The following ADCY2 variants were observed in gnomAD, a reference collection of about 807,000 sequenced individuals.
The protein encoded by ADCY2 is adenylate cyclase 2.
Under a neutral mutation model 125.2 loss-of-function variants are expected in ADCY2, and 31 were observed. That is an observed-to-expected ratio of 0.25 (90% CI 0.19 to 0.33). The LOEUF (loss-of-function observed/expected upper bound fraction) is 0.33. ADCY2 is among the 10% of genes least tolerant of loss of function. The pLI is 1.00. For missense variants in ADCY2, 904 were observed against 1,418.2 expected (o/e 0.64, Z 5.82); for synonymous variants, 512 against 548.4 (o/e 0.93, Z 0.93).
intron 4 of ADCY2, among the ~76,000 whole-genome samples, chr5:7,636,324 G>A (rs921899240): frequency 6.6e-6 from 1 of 152,184 alleles, no homozygotes; most frequent in Middle Eastern, 3.2e-3. Context: ...GCCTTCGCTG[G>A]GGTTCAGGAC....
At chr5:7,574,817 T>G (rs1040310009) in intron 3 of ADCY2, among the ~76,000 whole-genome samples, 9 of 152,122 alleles carry the variant, frequency 5.9e-5, no homozygotes, top group Non-Finnish European at 1.3e-4. Context: ...ATGCAAAAAT[T>G]TAGTTTCTAA....
At chr5:7,724,405 C>T (rs904250133) in intron 12 of ADCY2, 140 bp from the exon 13 acceptor site, 32 of 645,724 alleles carry the variant, frequency 5.0e-5, no homozygotes, top group Non-Finnish European at 7.4e-5. Context: ...GTTGGCATCA[C>T]GTGTTTTTTT....
At chr5:7,789,169 A>C (rs748100666) in intron 19 of ADCY2, among the ~76,000 whole-genome samples, 1 of 152,250 alleles carries the variant, frequency 6.6e-6, no homozygotes, top group East Asian at 1.9e-4. Context: ...CAATGATTAC[A>C]TAATTATACA....
intron 4 of ADCY2, among the ~76,000 whole-genome samples, chr5:7,671,130 C>A (rs1470785957): frequency 6.6e-6 from 1 of 152,194 alleles, no homozygotes; most frequent in Non-Finnish European, 1.5e-5. Context: ...CTATGAACAG[C>A]ATGCCTATGT....
At chr5:7,580,583 A>G (rs1010595539) in intron 3 of ADCY2, among the ~76,000 whole-genome samples, 2 of 152,232 alleles carry the variant, frequency 1.3e-5, no homozygotes, top group African/African-American at 4.8e-5. Flanking sequence ...GCAAAGGCTC[A>G]GTAATCTATA....
chr5:7,489,604 C>G (rs1182529550), intron 2 of ADCY2, among the ~76,000 whole-genome samples: 2 of 152,208 alleles, frequency 1.3e-5, no homozygotes, highest in African/African-American at 2.4e-5. Context: ...TTTGCTCTAC[C>G]TTCATCTTCC....
intron 3 of ADCY2, among the ~76,000 whole-genome samples, chr5:7,525,655 A>ATGTGTG (rs34875401): frequency 6.6e-6 from 1 of 150,602 alleles, no homozygotes; most frequent in African/African-American, 2.4e-5. Flanking sequence ...TACATTATAG[A>ATGTGTG]TGTGTGTGTG....
chr5:7,591,079 T>G (rs553645963), intron 3 of ADCY2, among the ~76,000 whole-genome samples: 54 of 152,366 alleles, frequency 3.5e-4, no homozygotes, highest in African/African-American at 1.2e-3. Flanking sequence ...TTGAAATTGC[T>G]CACGTGATTA....
At chr5:7,587,325 C>T (rs190395828) in intron 3 of ADCY2, among the ~76,000 whole-genome samples, 1 of 152,336 alleles carries the variant, frequency 6.6e-6, no homozygotes, top group East Asian at 1.9e-4. Flanking sequence ...TCCAGTGGCA[C>T]TAAGCAGTGT....
At chr5:7,626,112 GTATTC>G in intron 3 of ADCY2, 50 bp from the exon 4 acceptor site, 1 of 1,559,226 alleles carries the variant, frequency 6.4e-7, no homozygotes, top group Non-Finnish European at 8.7e-7. Flanking sequence ...TGTTTTGATT[GTATTC>G]ACAAGTGAGA....
chr5:7,735,443 A>G (rs964354096), intron 14 of ADCY2, among the ~76,000 whole-genome samples: 1 of 152,226 alleles, frequency 6.6e-6, no homozygotes, highest in Non-Finnish European at 1.5e-5. Flanking sequence ...ACCATTAAGT[A>G]TGATGTTAGC....
chr5:7,563,961 T>A (rs1176293241), intron 3 of ADCY2, among the ~76,000 whole-genome samples: 1 of 152,210 alleles, frequency 6.6e-6, no homozygotes, highest in East Asian at 1.9e-4. Flanking sequence ...ACCATCCCAA[T>A]CACTTCCCAT....
chr5:7,612,223 T>G (rs981145951), intron 3 of ADCY2, among the ~76,000 whole-genome samples: 1 of 152,200 alleles, frequency 6.6e-6, no homozygotes, highest in African/African-American at 2.4e-5. Flanking sequence ...TAATTAGGTA[T>G]TTAGAACATC....
At chr5:7,625,254 T>A (rs1455010516) in intron 3 of ADCY2, among the ~76,000 whole-genome samples, 1 of 152,228 alleles carries the variant, frequency 6.6e-6, no homozygotes, top group Admixed American at 6.5e-5. Context: ...TCTAAGAATT[T>A]AAAATGTTGT....
At chr5:7,800,338 T>C (rs1041184365) in intron 20 of ADCY2, 3 of 152,224 alleles carry the variant, frequency 2.0e-5, no homozygotes, top group Non-Finnish European at 4.4e-5. Flanking sequence ...CTGGACAGTG[T>C]CAGCAGAGAG....
chr5:7,455,784 A>G (rs909641994), intron 2 of ADCY2, among the ~76,000 whole-genome samples: 17 of 145,576 alleles, frequency 1.2e-4, no homozygotes, highest in African/African-American at 4.2e-4. Flanking sequence ...TATATATTAT[A>G]TAACACATAT....
intron 2 of ADCY2, among the ~76,000 whole-genome samples, chr5:7,496,161 A>G (rs1743338961): frequency 6.6e-6 from 1 of 152,244 alleles, no homozygotes; most frequent in Non-Finnish European, 1.5e-5. Flanking sequence ...GCAAAAGGGC[A>G]TGCTGAATAA....
At chr5:7,725,808 G>A (rs1452376474) in intron 13 of ADCY2, among the ~76,000 whole-genome samples, 3 of 152,168 alleles carry the variant, frequency 2.0e-5, no homozygotes, top group African/African-American at 7.2e-5. Flanking sequence ...TCATGAGCAT[G>A]GAAATTATGC....
At chr5:7,682,776 C>T (rs914688487) in intron 4 of ADCY2, among the ~76,000 whole-genome samples, 4 of 152,106 alleles carry the variant, frequency 2.6e-5, no homozygotes, top group East Asian at 1.9e-4. Context: ...GGATGGGAAC[C>T]GGACTGGCTG....
Sources: gnomAD v4.1 joint callset for allele counts (sites outside exome capture counted in the v4.1 genomes callset) on GRCh38, gnomAD v4.1.1 for gene constraint, MANE v1.5 for transcripts, NCBI Gene and HGNC (gene_info 2026-07-23, HGNC 2026-07-21) for gene names.